CCDC102B: variants seen among roughly 807,000 people sequenced by gnomAD.
The protein encoded by CCDC102B is coiled-coil domain containing 102B, also known as coiled-coil domain-containing protein 102B.
In CCDC102B, 75 loss-of-function variants were observed where a neutral mutation model predicts 57.4. That is an observed-to-expected ratio of 1.31 (90% CI 1.08 to 1.58). CCDC102B has a LOEUF of 1.58. Among genes scored for constraint, CCDC102B ranks in the 40% most tolerant of loss-of-function variants. The pLI, the probability that CCDC102B is intolerant of heterozygous loss-of-function variation, is 0.00. For synonymous variants in CCDC102B, 206 were observed against 201.9 expected, an observed-to-expected ratio of 1.02 and a Z score of -0.17; for missense variants, 636 against 582.6, an observed-to-expected ratio of 1.09 and a Z score of -0.94.
At chr18:68,884,561 A>G (rs1423086025) in intron 5 of CCDC102B, among the ~76,000 whole-genome samples, 1 of 148,864 alleles carries the variant, frequency 6.7e-6, no homozygotes, top group African/African-American at 2.5e-5. Flanking sequence ...CTACAAGGCA[A>G]CAGAAATACA....
intron 2 of CCDC102B, among the ~76,000 whole-genome samples, chr18:68,723,859 G>C (rs895936091): frequency 6.6e-6 from 1 of 152,214 alleles, no homozygotes; most frequent in African/African-American, 2.4e-5. Flanking sequence ...AGCTCCACTA[G>C]TCAGTGCCCC....
At chr18:68,924,322 T>C (rs879863068) in intron 6 of CCDC102B, among the ~76,000 whole-genome samples, 1 of 152,020 alleles carries the variant, frequency 6.6e-6, no homozygotes, top group Non-Finnish European at 1.5e-5. Context: ...CATGCTGCTC[T>C]TGTGATAGTG....
chr18:68,845,026 C>G (rs1313330973), intron 3 of CCDC102B, among the ~76,000 whole-genome samples: 1 of 151,730 alleles, frequency 6.6e-6, no homozygotes, highest in Non-Finnish European at 1.5e-5. Context: ...TTTTTTGCAA[C>G]CTATGTCTTT....
intron 6 of CCDC102B, 59 bp downstream of exon 6, chr18:68,897,487 GA>G: frequency 6.3e-7 from 1 of 1,579,960 alleles, no homozygotes; most frequent in Non-Finnish European, 8.7e-7. Flanking sequence ...TGCCTACGCA[GA>G]GTCTGTCTTC....
chr18:68,831,896 A>G (rs1319307157), intron 1 of CCDC102B, among the ~76,000 whole-genome samples: 1 of 152,118 alleles, frequency 6.6e-6, no homozygotes, highest in African/African-American at 2.4e-5. Context: ...TCATTTGTGC[A>G]TGTTTGACAG....
Position 68,846,383 on chromosome 18 carries a change from G to A in CCDC102B, c.898G>A (p.Glu300Lys). Residue 300 changes from glutamate (E) to lysine (K), a missense_variant, in exon 4 of 8, where the codon GAA becomes AAA. By Grantham distance (56) the Glu-to-Lys change is moderately conservative. Transcript: ENST00000360242. ...TTTGTCTCTGTGGAAGTGGAAGTAT[G>A]AAGAACTGAAAGAATCAAAGCCAAA... ...SALSLWKWKY[E>K]ELKESKPKNV... The A allele has an allele frequency of 6.3e-7, 1 of 1,590,676 alleles. No homozygotes were observed. The highest frequency in any genetic ancestry group is 1.1e-5 in the South Asian group (1 of 88,204).
At chr18:69,032,360 A>G (rs2052169836) in intron 7 of CCDC102B, among the ~76,000 whole-genome samples, 2 of 152,148 alleles carry the variant, frequency 1.3e-5, no homozygotes, top group Non-Finnish European at 2.9e-5. Flanking sequence ...GATCAGATAC[A>G]AGTGCTGTTG....
chr18:68,951,744 G>T (rs569300559), intron 6 of CCDC102B, among the ~76,000 whole-genome samples: 55 of 151,742 alleles, frequency 3.6e-4, no homozygotes, highest in Non-Finnish European at 6.8e-4. Context: ...GGAGGCTGAG[G>T]TTGCAGTGGG....
chr18:68,997,857 T>G (rs1401402257), intron 6 of CCDC102B, among the ~76,000 whole-genome samples: 1 of 151,140 alleles, frequency 6.6e-6, no homozygotes, highest in African/African-American at 2.5e-5. Context: ...TAATATGTGT[T>G]TTTTTTGGCA....
intron 6 of CCDC102B, among the ~76,000 whole-genome samples, chr18:68,941,171 T>C (rs12455979): frequency 0.56 from 83,903 of 150,552 alleles, 25,892 homozygotes; most frequent in Non-Finnish European, 0.68. Flanking sequence ...TCTTAATCTC[T>C]ATTTAGGAAA....
chr18:69,039,835 A>G (rs1026215946), intron 7 of CCDC102B, among the ~76,000 whole-genome samples: 1 of 143,824 alleles, frequency 7.0e-6, no homozygotes, highest in South Asian at 2.1e-4. Context: ...AGGAAATTAC[A>G]GGAAATTAGA....
At chr18:69,036,735 T>C (rs1324209623) in intron 7 of CCDC102B, among the ~76,000 whole-genome samples, 1 of 152,044 alleles carries the variant, frequency 6.6e-6, no homozygotes, top group Non-Finnish European at 1.5e-5. Flanking sequence ...GCCATTAAAA[T>C]ATAGATCATA....
At chr18:68,730,013 A>C (rs1169857218) in intron 2 of CCDC102B, among the ~76,000 whole-genome samples, 2 of 152,206 alleles carry the variant, frequency 1.3e-5, no homozygotes, top group African/African-American at 2.4e-5. Context: ...AAATGTAATA[A>C]ATTCAAAATA....
At chr18:68,818,288 C>T (rs8088502) in intron 1 of CCDC102B, among the ~76,000 whole-genome samples, 5 of 152,082 alleles carry the variant, frequency 3.3e-5, no homozygotes, top group African/African-American at 1.2e-4. Flanking sequence ...GTCTATTCTC[C>T]TGCTTAATCT....
intron 6 of CCDC102B, among the ~76,000 whole-genome samples, chr18:68,979,308 G>A (rs1049148932): frequency 4.6e-5 from 7 of 151,920 alleles, no homozygotes; most frequent in African/African-American, 1.7e-4. Flanking sequence ...AAATATCAAA[G>A]CAATATGTAT....
chr18:69,014,974 A>AGTGT (rs1189382089), intron 7 of CCDC102B, among the ~76,000 whole-genome samples: 2 of 116,628 alleles, frequency 1.7e-5, no homozygotes, highest in African/African-American at 5.7e-5. Flanking sequence ...AGAGAGAGAG[A>AGTGT]GAGAGTGTGT....
intron 2 of CCDC102B, among the ~76,000 whole-genome samples, chr18:68,767,681 A>G (rs1203653708): frequency 6.6e-6 from 1 of 152,232 alleles, no homozygotes; most frequent in Non-Finnish European, 1.5e-5. Flanking sequence ...AAGCTCATTC[A>G]TATCATTATA....
intron 1 of CCDC102B, among the ~76,000 whole-genome samples, chr18:68,828,586 T>G (rs915757695): frequency 6.6e-6 from 1 of 151,568 alleles, no homozygotes; most frequent in Non-Finnish European, 1.5e-5. Flanking sequence ...GCTAAAGTAG[T>G]GCAGAGAAGA....
intron 6 of CCDC102B, among the ~76,000 whole-genome samples, chr18:68,961,617 A>T (rs1209169756): frequency 6.6e-6 from 1 of 152,068 alleles, no homozygotes; most frequent in African/African-American, 2.4e-5. Context: ...CACCTATAAA[A>T]TGTCATGGTA....
Sources: gnomAD v4.1 joint callset for allele counts (sites outside exome capture counted in the v4.1 genomes callset) on GRCh38, gnomAD v4.1.1 for gene constraint, MANE v1.5 for transcripts, NCBI Gene and HGNC (gene_info 2026-07-23, HGNC 2026-07-21) for gene names.